The following BRCA1 variants were observed in gnomAD, a reference collection of about 807,000 sequenced individuals.
BRCA1 encodes the protein breast cancer type 1 susceptibility protein.
A neutral mutation model predicts 173.7 loss-of-function variants in BRCA1; 140 were observed. The ratio of observed to expected loss-of-function variants is 0.81; its 90% CI spans 0.70 to 0.93. BRCA1 has a LOEUF of 0.93. Among genes scored for constraint, BRCA1 ranks in the 40% least tolerant of loss-of-function variants. BRCA1 has a pLI of 0.00. For synonymous variants in BRCA1, 662 were observed against 756.0 expected (o/e 0.88, Z 2.04); for missense variants, 1,983 against 2,172.5 (o/e 0.91, Z 1.73).
intron 11 of BRCA1, among the ~76,000 whole-genome samples, chr17:43,086,573 T>G (rs2053239612): frequency 6.6e-6 from 1 of 152,192 alleles, no homozygotes; most frequent in Non-Finnish European, 1.5e-5. Flanking sequence ...TAAAAACACG[T>G]TGCAAAATGA....
In BRCA1 at chr17:43,106,486, C is replaced by T. The variant is rs80357093; in HGVS notation, c.182G>A (p.Cys61Tyr). Residue 61 changes from cysteine to tyrosine, a missense_variant, in exon 4 of 23, where the codon TGT becomes TAT. Transcript: ENST00000357654. ...LLNQKKGPSQCPLCKNDITKR... is the reference protein window; with the variant it reads ...LLNQKKGPSQYPLCKNDITKR... Reference sequence around the variant, plus strand: ...GGTTATATCATTCTTACATAAAGGACACTGTGAAGGCCCTTTCTTCTGGTT... The same window carrying T: ...GGTTATATCATTCTTACATAAAGGATACTGTGAAGGCCCTTTCTTCTGGTT... The T allele has an allele frequency of 1.2e-6, 2 of 1,604,772 alleles. No individual in the cohort carries two copies. Among genetic ancestry groups the T allele is most frequent in the South Asian group, 1.1e-5 (1 of 90,372 alleles).
rs80357138 is a variant in BRCA1, at chr17:43,094,776, C to T, written c.755G>A (p.Arg252His). The T allele has an allele frequency of 8.7e-6, 14 of 1,612,000 alleles. No homozygotes were observed. Among genetic ancestry groups the T allele is most frequent in the Admixed American group, 1.7e-5 (1 of 59,650 alleles). ...CTTTTCTGGATGCCTCTCAGCTGCA[C>T]GCTTCTCAGTGGTGTTCAAATCATT... Reference protein sequence around the residue: ...SNNDLNTTEKRAAERHPEKYQ... With the variant: ...SNNDLNTTEKHAAERHPEKYQ... Residue 252 changes from arginine (R) to histidine (H), a missense_variant, in exon 10 of 23, where the codon CGT becomes CAT. Coordinates refer to ENST00000357654, the MANE Select transcript of BRCA1 (RefSeq NM_007294.4).
At chr17:43,133,727 C>T (rs776172611) in intron 1 of BRCA1, among the ~76,000 whole-genome samples, 3 of 151,808 alleles carry the variant, frequency 2.0e-5, no homozygotes, top group African/African-American at 4.8e-5. Flanking sequence ...CTCCGCCTCC[C>T]GGGTTCAAGC....
At chr17:43,049,031 A>T (rs2051063585) in intron 21 of BRCA1, 90 bp downstream of exon 21, 1 of 1,246,872 alleles carries the variant, frequency 8.0e-7, no homozygotes, top group Non-Finnish European at 1.2e-6. Flanking sequence ...AGGCTACAGT[A>T]GGGGCATCCA....
rs431825407 is a variant in BRCA1 at position 43,082,397 on chromosome 17, T to C, written c.4357+7A>G. On this transcript the variant is annotated splice_region_variant and intron_variant, in intron 12 of 22. Transcript: ENST00000357654. ...TAAGATATCAGTGTTTGGCCAACAATACACACCTTTTTCTGATGTGCTTTG... is the reference window on the plus strand; with the variant it reads ...TAAGATATCAGTGTTTGGCCAACAACACACACCTTTTTCTGATGTGCTTTG... 5 of 1,613,296 alleles carry C rather than the reference T, an allele frequency of 3.1e-6. No individual in the cohort carries two copies. In the East Asian group the frequency reaches 6.7e-5, roughly 22 times the overall value.
At chr17:43,154,258 G>A (rs775928034) in intron 1 of BRCA1, among the ~76,000 whole-genome samples, 4 of 151,682 alleles carry the variant, frequency 2.6e-5, no homozygotes, top group Admixed American at 6.6e-5. Flanking sequence ...GGCCAAGGCC[G>A]GCAGATCACG....
upstream of BRCA1, among the ~76,000 whole-genome samples, chr17:43,128,073 C>T (rs1003546019): frequency 1.3e-5 from 2 of 149,742 alleles, no homozygotes; most frequent in Non-Finnish European, 3.0e-5. Flanking sequence ...GAGCCAGCAG[C>T]AGCAACCCGC....
intron 12 of BRCA1, chr17:43,079,619 C>T (rs1291081051): frequency 2.2e-5 from 18 of 832,658 alleles, no homozygotes; most frequent in Middle Eastern, 6.4e-4. Context: ...CTTCCTGAAA[C>T]GCGTGAAGGA....
intron 21 of BRCA1, among the ~76,000 whole-genome samples, chr17:43,048,518 CTTTTT>C (rs781716310): frequency 1.4e-5 from 2 of 140,286 alleles, no homozygotes; most frequent in South Asian, 4.4e-4. Context: ...CTCTCTCTCT[CTTTTT>C]TTTTTTTTTT....
chr17:43,168,389 G>A (rs2056282071), intron 1 of BRCA1: 3 of 278,444 alleles, frequency 1.1e-5, no homozygotes, highest in South Asian at 6.4e-5. Flanking sequence ...TGTAATCACA[G>A]CACTTAGGGA....
intron 16 of BRCA1, among the ~76,000 whole-genome samples, chr17:43,066,074 T>G (rs1301221097): frequency 6.6e-6 from 1 of 152,196 alleles, no homozygotes; most frequent in Non-Finnish European, 1.5e-5. Context: ...GAGAATACAG[T>G]GGGGCTCTGG....
chr17:43,134,065 C>T (rs2055995087), intron 1 of BRCA1, among the ~76,000 whole-genome samples: 1 of 152,210 alleles, frequency 6.6e-6, no homozygotes, highest in South Asian at 2.1e-4. Flanking sequence ...ACCTAGAAAG[C>T]TCACATCAAA....
At chr17:43,159,170 G>A (rs893583711) in intron 1 of BRCA1, among the ~76,000 whole-genome samples, 12 of 152,242 alleles carry the variant, frequency 7.9e-5, no homozygotes, top group African/African-American at 2.4e-4. Flanking sequence ...AGGATCGCTT[G>A]AGCCTGGCGA....
In BRCA1 at chr17:43,049,736, A is replaced by T. The variant is rs577189905; in HGVS notation, c.5333-542T>A. On this transcript the variant is annotated intron_variant, in intron 20 of 22. Transcript: ENST00000357654. ...CTACATGCTGAGCTGGAATCCATAT[A>T]CTCAGGGGAATAAAAATCAGAAGAG... Among the ~76,000 whole-genome samples, 66 of 152,334 alleles carry T rather than the reference A, an allele frequency of 4.3e-4. No homozygotes were observed. Among genetic ancestry groups the T allele is most frequent in the African/African-American group, 2.4e-5 (1 of 41,568 alleles).
chr17:43,072,590 G>A (rs1240299500), intron 14 of BRCA1, among the ~76,000 whole-genome samples: 1 of 149,424 alleles, frequency 6.7e-6, no homozygotes, highest in Non-Finnish European at 1.5e-5. Context: ...TTGAGATGGA[G>A]TTTCATTCTT....
chr17:43,132,482 G>C (rs2055975873), intron 1 of BRCA1: 1 of 152,006 alleles, frequency 6.6e-6, no homozygotes, highest in South Asian at 2.1e-4. Flanking sequence ...ACTAGCATCA[G>C]AAAGAACTAG....
chr17:43,105,545 T>G (rs2054725115), intron 4 of BRCA1, among the ~76,000 whole-genome samples: 1 of 152,176 alleles, frequency 6.6e-6, no homozygotes, highest in African/African-American at 2.4e-5. Context: ...CCTGCTGAGC[T>G]TACTGTTCTT....
chr17:43,111,100 CAA>C (rs368128956), intron 3 of BRCA1, among the ~76,000 whole-genome samples: 18 of 114,006 alleles, frequency 1.6e-4, no homozygotes, highest in Admixed American at 3.8e-4. Flanking sequence ...GACTCCATCT[CAA>C]AAAAAAAAAA....
intron 19 of BRCA1, among the ~76,000 whole-genome samples, chr17:43,051,778 A>G (rs549196936): frequency 6.6e-6 from 1 of 151,964 alleles, no homozygotes; most frequent in Non-Finnish European, 1.5e-5. Flanking sequence ...CTGGGATTAC[A>G]GGCGCGCACC....
Sources: gnomAD v4.1 joint callset for allele counts (sites outside exome capture counted in the v4.1 genomes callset) on GRCh38, gnomAD v4.1.1 for gene constraint, MANE v1.5 for transcripts, NCBI Gene and HGNC (gene_info 2026-07-23, HGNC 2026-07-21) for gene names.